Variants in STXBP5L observed in about 807,000 individuals in gnomAD.
STXBP5L encodes syntaxin binding protein 5L.
A neutral mutation model predicts 144.5 loss-of-function variants in STXBP5L; 65 were observed. The ratio of observed to expected loss-of-function variants is 0.45; its 90% CI spans 0.37 to 0.55. STXBP5L has a LOEUF of 0.55. Ranked by LOEUF, STXBP5L falls within the 20% of genes least tolerant of loss-of-function variation. The probability of loss-of-function intolerance (pLI) is 0.00; values close to 1 mark genes in which losing one functional copy is unlikely to be tolerated. For synonymous variants in STXBP5L, 505 were observed against 469.6 expected, an observed-to-expected ratio of 1.08 and a Z score of -0.97; for missense variants, 1,298 against 1,405.5, an observed-to-expected ratio of 0.92 and a Z score of 1.22.
At chr3:121,214,838 T>C (rs1490206292) in intron 10 of STXBP5L, among the ~76,000 whole-genome samples, 1 of 152,180 alleles carries the variant, frequency 6.6e-6, no homozygotes, top group Non-Finnish European at 1.5e-5. Context: ...TGTGGGAGTC[T>C]AAGTTTTTTT....
At chr3:120,983,751 C>T (rs1185572839) in intron 3 of STXBP5L, among the ~76,000 whole-genome samples, 5 of 152,300 alleles carry the variant, frequency 3.3e-5, no homozygotes, top group African/African-American at 1.2e-4. Context: ...ATCAGTTTCA[C>T]ACCTATCCCA....
intron 20 of STXBP5L, among the ~76,000 whole-genome samples, chr3:121,339,911 C>A (rs1395513563): frequency 6.6e-6 from 1 of 151,450 alleles, no homozygotes; most frequent in African/African-American, 2.4e-5. Flanking sequence ...ACAGATGATA[C>A]AAACAAATGG....
intron 20 of STXBP5L, among the ~76,000 whole-genome samples, chr3:121,367,144 T>A (rs1408047067): frequency 1.3e-5 from 2 of 152,210 alleles, no homozygotes; most frequent in African/African-American, 2.4e-5. Flanking sequence ...TCTTAAATTA[T>A]GTAGAACCCA....
intron 5 of STXBP5L, among the ~76,000 whole-genome samples, chr3:121,093,070 A>G (rs1480617179): frequency 1.3e-5 from 2 of 152,320 alleles, no homozygotes; most frequent in South Asian, 2.1e-4. Flanking sequence ...ATGCTGGATT[A>G]CATTTATTGA....
At chr3:121,095,392 G>A (rs984975808) in intron 5 of STXBP5L, among the ~76,000 whole-genome samples, 3 of 152,170 alleles carry the variant, frequency 2.0e-5, no homozygotes, top group South Asian at 2.1e-4. Flanking sequence ...TTCCAACGTG[G>A]TTCCATGCTC....
At chr3:121,038,886 C>A (rs1174547807) in intron 3 of STXBP5L, among the ~76,000 whole-genome samples, 3 of 151,814 alleles carry the variant, frequency 2.0e-5, no homozygotes, top group African/African-American at 4.8e-5. Flanking sequence ...ATCAACTTTA[C>A]TGTATATTAA....
chr3:120,941,654 A>C (rs1454517065), intron 2 of STXBP5L, among the ~76,000 whole-genome samples: 2 of 151,840 alleles, frequency 1.3e-5, no homozygotes, highest in Non-Finnish European at 3.0e-5. Flanking sequence ...TTCTTAAAAT[A>C]TGACATAACA....
chr3:121,322,111 T>C (rs1233355760), intron 20 of STXBP5L, among the ~76,000 whole-genome samples: 2 of 152,156 alleles, frequency 1.3e-5, no homozygotes, highest in African/African-American at 4.8e-5. Context: ...ACATGCAGTA[T>C]CTGGTTTTCA....
At position 121,421,992 on chromosome 3, in the gene STXBP5L, C is replaced by T. The variant is rs1201767635; in HGVS notation, c.*2895C>T. On this transcript the variant is annotated 3_prime_UTR_variant, in exon 27 of 27. Coordinates refer to ENST00000471454, the MANE Select transcript of STXBP5L (RefSeq NM_001308330.2). ...CCAAATTAATGAGGTTTTACTGTATCAAAATTATTTTTATAATTCAAAGAG... is the reference window on the plus strand; with the variant it reads ...CCAAATTAATGAGGTTTTACTGTATTAAAATTATTTTTATAATTCAAAGAG... 2 of 152,044 alleles carry T rather than the reference C, an allele frequency of 1.3e-5. No individual in the cohort carries two copies. The highest frequency in any genetic ancestry group is 2.1e-4 in the South Asian group (1 of 4,820). 9.4% of individuals were successfully genotyped at this position (152,044 alleles called of 1,614,324 possible).
chr3:121,351,515 T>G (rs1403284104), intron 20 of STXBP5L, among the ~76,000 whole-genome samples: 1 of 152,172 alleles, frequency 6.6e-6, no homozygotes, highest in Non-Finnish European at 1.5e-5. Flanking sequence ...TTCATATCCT[T>G]TGCCCACTTT....
intron 22 of STXBP5L, among the ~76,000 whole-genome samples, chr3:121,396,570 A>T (rs1406761197): frequency 6.6e-6 from 1 of 152,222 alleles, no homozygotes; most frequent in East Asian, 1.9e-4. Flanking sequence ...TTTGCCAAAG[A>T]GAGTTAGGTT....
At chr3:121,334,655 C>T (rs2044442271) in intron 20 of STXBP5L, among the ~76,000 whole-genome samples, 1 of 152,170 alleles carries the variant, frequency 6.6e-6, no homozygotes, top group East Asian at 1.9e-4. Flanking sequence ...ATCAAGTAGG[C>T]TTTATCCCTG....
chr3:120,974,132 G>A (rs1175913362), intron 3 of STXBP5L, among the ~76,000 whole-genome samples: 1 of 152,116 alleles, frequency 6.6e-6, no homozygotes, highest in East Asian at 1.9e-4. Context: ...CTTCCACAAT[G>A]GTTGAACTAG....
chr3:120,978,575 C>T (rs1941365141), intron 3 of STXBP5L, among the ~76,000 whole-genome samples: 2 of 152,210 alleles, frequency 1.3e-5, no homozygotes, highest in Admixed American at 1.3e-4. Flanking sequence ...CAGGTTTGTT[C>T]TGTTGCTGGT....
chr3:121,097,049 G>T (rs532852973), intron 5 of STXBP5L, among the ~76,000 whole-genome samples: 1 of 152,162 alleles, frequency 6.6e-6, no homozygotes, highest in Non-Finnish European at 1.5e-5. Context: ...TGCCCGGAGA[G>T]GAGAAATGTG....
rs557636073 is a variant in STXBP5L, at chr3:121,407,499, T to C, written c.2844T>C (p.His948=). The change falls in exon 23 of 27, where the codon CAT becomes CAC. Residue 948 remains histidine, a synonymous_variant. Coordinates refer to ENST00000471454, the MANE Select transcript of STXBP5L (RefSeq NM_001308330.2). ...CTTCTCAGACTTGCCTTTATGTTCA[T>C]AACATCACGGAGACATCTTTTATAC... ...SLPSQTCLYV[H]NITETSFILQ... 13 of 1,613,418 alleles carry C rather than the reference T, an allele frequency of 8.1e-6. No homozygotes were observed. The African/African-American group carries it at 1.2e-4, about 15-fold the overall frequency.
At chr3:121,206,801 G>A (rs567405206) in intron 10 of STXBP5L, among the ~76,000 whole-genome samples, 26 of 152,154 alleles carry the variant, frequency 1.7e-4, no homozygotes, top group Non-Finnish European at 2.8e-4. Flanking sequence ...GCAACAGAGC[G>A]AGACTCTGTC....
intron 22 of STXBP5L, among the ~76,000 whole-genome samples, chr3:121,393,563 A>G (rs1185380994): frequency 6.6e-6 from 1 of 152,164 alleles, no homozygotes; most frequent in Non-Finnish European, 1.5e-5. Context: ...TTATAGTTTC[A>G]GGTCTTACAT....
chr3:121,287,701 C>G (rs1280055718), intron 19 of STXBP5L, among the ~76,000 whole-genome samples: 1 of 151,972 alleles, frequency 6.6e-6, no homozygotes, highest in East Asian at 1.9e-4. Flanking sequence ...TGGTGGCGGG[C>G]TCCTGTAATT....
Sources: allele counts gnomAD v4.1 joint callset (sites outside exome capture counted in the v4.1 genomes callset), GRCh38; gene constraint gnomAD v4.1.1; transcripts MANE v1.5; gene names NCBI Gene and HGNC (gene_info 2026-07-23, HGNC 2026-07-21).